COPS3: variants seen among roughly 807,000 people sequenced by gnomAD.
COPS3 encodes the protein COP9 signalosome complex subunit 3.
Under a neutral mutation model 58.2 loss-of-function variants are expected in COPS3, and 10 were observed. The ratio of observed to expected loss-of-function variants is 0.17; its 90% CI spans 0.11 to 0.29. The LOEUF is 0.29. Ranked by LOEUF, COPS3 falls within the 10% of genes least tolerant of loss-of-function variation. COPS3 has a pLI of 1.00. For synonymous variants in COPS3, 187 were observed against 181.7 expected (o/e 1.03, Z -0.24); for missense variants, 333 against 510.1 (o/e 0.65, Z 3.34).
intron 8 of COPS3, among the ~76,000 whole-genome samples, chr17:17,257,375 A>G (rs1038816004): frequency 6.6e-6 from 1 of 151,860 alleles, no homozygotes; most frequent in Non-Finnish European, 1.5e-5. Flanking sequence ...GAAAAAAAAA[A>G]AAAGAAAAAA....
At chr17:17,276,244 T>A in intron 1 of COPS3, 80 bp from the exon 2 acceptor site, 1 of 1,566,676 alleles carries the variant, frequency 6.4e-7, no homozygotes. Context: ...AACTTTGTAC[T>A]TCAGAGCCTG....
intron 2 of COPS3, among the ~76,000 whole-genome samples, chr17:17,274,025 A>G (rs984342425): frequency 6.6e-6 from 1 of 152,238 alleles, no homozygotes; most frequent in Non-Finnish European, 1.5e-5. Flanking sequence ...AAGAAAGAAC[A>G]GAGAGCATGC....
rs1304908823 is a variant in COPS3, at chr17:17,261,158, T to C, written c.763-684A>G. ...GAGAAGAAAGGAGTCAAAACATTCA[T>C]CATTCCCAACTCTCCCTCTCTCTTT... On this transcript the variant is annotated intron_variant, in intron 7 of 11. Transcript: ENST00000268717. Among the ~76,000 whole-genome samples, 3 of 152,340 alleles carry C rather than the reference T, an allele frequency of 2.0e-5. No homozygotes were observed. In the East Asian group the frequency reaches 5.8e-4, roughly 29 times the overall value.
At chr17:17,272,531 T>C (rs535767155) in intron 2 of COPS3, among the ~76,000 whole-genome samples, 7 of 152,352 alleles carry the variant, frequency 4.6e-5, no homozygotes, top group South Asian at 4.1e-4. Flanking sequence ...CTTTTATCCA[T>C]GTAATCCACA....
intron 2 of COPS3, among the ~76,000 whole-genome samples, chr17:17,272,239 C>T (rs1009696026): frequency 6.6e-6 from 1 of 151,896 alleles, no homozygotes; most frequent in African/African-American, 2.4e-5. Context: ...CCTGACCAAT[C>T]GGGTGAAACC....
In COPS3 at chr17:17,276,039, C is replaced by T. The variant is rs1272621839; in HGVS notation, c.181G>A (p.Val61Ile). The T allele has an allele frequency of 6.2e-7, 1 of 1,613,352 alleles. No individual in the cohort carries two copies. The highest frequency in any genetic ancestry group is 2.2e-5 in the East Asian group (1 of 44,884). The part of the protein sequence containing the change: ...VQEHSLGVLA[V>I]LFVKFSMPSV... Reference sequence around the variant, plus strand: ...ATAAAAGAAGATGCTCCTTACAAAACAGCAAGGACGCCCAAGGAGTGTTCT... The same window carrying T: ...ATAAAAGAAGATGCTCCTTACAAAATAGCAAGGACGCCCAAGGAGTGTTCT... The change falls in exon 2 of 12, where the codon GTT (valine) becomes ATT (isoleucine). Residue 61 changes from valine (V) to isoleucine (I), a missense_variant. Transcript: ENST00000268717.
intron 6 of COPS3, among the ~76,000 whole-genome samples, chr17:17,262,856 A>C (rs1450617490): frequency 6.6e-6 from 1 of 152,058 alleles, no homozygotes; most frequent in African/African-American, 2.4e-5. Context: ...TCAGCATCCC[A>C]AAGTGCTAGG....
chr17:17,248,951 G>A lies in COPS3; in HGVS notation c.1112C>T (p.Ala371Val), dbSNP rs775388275. Residue 371 changes from alanine to valine, a missense_variant, in exon 10 of 12, where the codon GCC (alanine) becomes GTC (valine). By Grantham distance (64) the Ala-to-Val change is moderately conservative. Transcript: ENST00000268717. ...HDNPEKYNNP[A>V]MLHNIDQEML... ...CTCCTGATCAATGTTATGAAGCATGGCTGGGTTATTATATTTTTCAGGGTT... is the reference window on the plus strand; with the variant it reads ...CTCCTGATCAATGTTATGAAGCATGACTGGGTTATTATATTTTTCAGGGTT... 1.6e-5 allele frequency: 25 copies of A among 1,604,986 alleles called. No individual in the cohort carries two copies. The highest frequency in any genetic ancestry group is 2.0e-5 in the Non-Finnish European group (24 of 1,175,222).
chr17:17,261,152 C>T (rs2048090679), intron 7 of COPS3, among the ~76,000 whole-genome samples: 1 of 152,228 alleles, frequency 6.6e-6, no homozygotes, highest in African/African-American at 2.4e-5. Flanking sequence ...GGAGTCAAAA[C>T]ATTCATCATT....
At chr17:17,275,151 T>A (rs912740920) in intron 2 of COPS3, among the ~76,000 whole-genome samples, 2 of 150,132 alleles carry the variant, frequency 1.3e-5, no homozygotes, top group African/African-American at 4.9e-5. Context: ...AGTGCAGTGG[T>A]GCAATCTTGG....
At chr17:17,277,772 T>A (rs1209509792) in intron 1 of COPS3, among the ~76,000 whole-genome samples, 1 of 152,112 alleles carries the variant, frequency 6.6e-6, no homozygotes, top group Non-Finnish European at 1.5e-5. Flanking sequence ...TAATTAGGCC[T>A]CAGCCGGGTG....
chr17:17,257,365 G>GAA (rs376052817), intron 8 of COPS3, among the ~76,000 whole-genome samples: 8 of 122,070 alleles, frequency 6.6e-5, no homozygotes, highest in Non-Finnish European at 1.0e-4. Context: ...CTCAGTCACA[G>GAA]AAAAAAAAAA....
intron 6 of COPS3, among the ~76,000 whole-genome samples, chr17:17,262,455 C>A (rs552975294): frequency 6.6e-6 from 1 of 151,966 alleles, no homozygotes; most frequent in Non-Finnish European, 1.5e-5. Flanking sequence ...AGAGGCCAGG[C>A]GCGGTGGCTT....
At chr17:17,263,437 G>A (rs1210967992) in intron 6 of COPS3, among the ~76,000 whole-genome samples, 1 of 151,536 alleles carries the variant, frequency 6.6e-6, no homozygotes, top group Non-Finnish European at 1.5e-5. Context: ...GACCTCAGGC[G>A]ATTTGCCTGC....
At chr17:17,251,120 G>A (rs1040881657) in intron 9 of COPS3, among the ~76,000 whole-genome samples, 1 of 148,976 alleles carries the variant, frequency 6.7e-6, no homozygotes, top group Non-Finnish European at 1.5e-5. Context: ...TCAGCCTCCC[G>A]AGTAGCTGGG....
chr17:17,273,169 C>T (rs917941087), intron 2 of COPS3, among the ~76,000 whole-genome samples: 19 of 152,252 alleles, frequency 1.2e-4, no homozygotes, highest in African/African-American at 4.3e-4. Flanking sequence ...GCTGGGATTC[C>T]TGAGACAAAG....
At chr17:17,263,510 C>CTTTTTTTTTT (rs34755381) in intron 6 of COPS3, among the ~76,000 whole-genome samples, 16 of 98,870 alleles carry the variant, frequency 1.6e-4, no homozygotes, top group African/African-American at 6.5e-4. Context: ...CTTGCCTTTT[C>CTTTTTTTTTT]TTTTTTTTTT....
intron 6 of COPS3, 68 bp from the exon 7 acceptor site, chr17:17,262,174 G>T (rs1018453415): frequency 7.3e-7 from 1 of 1,375,848 alleles, no homozygotes; most frequent in African/African-American, 1.5e-5. Flanking sequence ...TCAACCACAT[G>T]TATCACATTA....
At chr17:17,263,517 T>C (rs998002042) in intron 6 of COPS3, among the ~76,000 whole-genome samples, 8 of 137,724 alleles carry the variant, frequency 5.8e-5, no homozygotes, top group African/African-American at 1.1e-4. Flanking sequence ...TTTCTTTTTT[T>C]TTTTTTTTTT....
Sources: allele counts gnomAD v4.1 joint callset (sites outside exome capture counted in the v4.1 genomes callset), GRCh38; gene constraint gnomAD v4.1.1; transcripts MANE v1.5; gene names NCBI Gene and HGNC (gene_info 2026-07-23, HGNC 2026-07-21).